Variants in SLC22A23 observed in about 807,000 individuals in gnomAD.
SLC22A23 encodes the protein ion transporter protein.
SLC22A23 carries 26 observed loss-of-function variants against 61.0 expected under a neutral mutation model. The observed-to-expected ratio is 0.43, with a 90% CI of 0.31 to 0.59. SLC22A23 has a LOEUF of 0.59. Ranked by LOEUF, SLC22A23 falls within the 20% of genes least tolerant of loss-of-function variation. The probability of loss-of-function intolerance (pLI) is 0.11; values close to 1 mark genes in which losing one functional copy is unlikely to be tolerated. For synonymous variants in SLC22A23, 430 were observed against 413.9 expected (o/e 1.04, Z -0.47); for missense variants, 796 against 934.7 (o/e 0.85, Z 1.94).
chr6:3,383,875 C>G (rs1767115289), intron 3 of SLC22A23, among the ~76,000 whole-genome samples: 1 of 152,192 alleles, frequency 6.6e-6, no homozygotes, highest in African/African-American at 2.4e-5. Flanking sequence ...CAATGAGAGC[C>G]TTTGAAGGAT....
intron 9 of SLC22A23, among the ~76,000 whole-genome samples, chr6:3,273,657 T>TTAA (rs1305677428): frequency 6.6e-6 from 1 of 152,236 alleles, no homozygotes; most frequent in African/African-American, 2.4e-5. Context: ...ATCTTTTTCT[T>TTAA]TAATGTTTCC....
intron 7 of SLC22A23, 90 bp from the exon 8 acceptor site, chr6:3,285,201 A>C (rs182689901): frequency 6.4e-7 from 1 of 1,558,126 alleles, no homozygotes; most frequent in East Asian, 2.4e-5. Context: ...GAGTTAGCCT[A>C]GCGTGTTCCC....
intron 3 of SLC22A23, among the ~76,000 whole-genome samples, chr6:3,338,558 C>T (rs941123665): frequency 6.6e-6 from 1 of 152,252 alleles, no homozygotes; most frequent in African/African-American, 2.4e-5. Context: ...CTCCTGCCCG[C>T]CTTGGCCTCC....
At position 3,425,338 on chromosome 6, in the gene SLC22A23, G is replaced by T. The variant is rs928629012; in HGVS notation, c.655-9483C>A. Among the ~76,000 whole-genome samples the T allele has an allele frequency of 3.5e-5, 5 of 142,802 alleles. No homozygotes were observed. The Admixed American group carries it at 3.7e-4, about 11-fold the overall frequency. The allele number at this position is 142,802 out of a possible 152,430, so 93.7% of individuals were successfully genotyped here. A position where few individuals can be genotyped will look rare whatever the true frequency, so the allele number is the denominator to read the frequency against. ...GTCTCACTGTTGCCCAGGCTGGAGT[G>T]CAGTGGTGCAATCTCAGCTCACTGC... On this transcript the variant is annotated intron_variant, in intron 1 of 9. Transcript: ENST00000406686.
Position 3,297,961 on chromosome 6 carries a change from G to A in SLC22A23, c.1210+130C>T. On this transcript the variant is annotated intron_variant, in intron 5 of 9. Transcript: ENST00000406686. The surrounding 1 kb of genome is among the most constrained non-coding windows in gnomAD (Gnocchi z 4.3). ...GTCAAGGTTGCCACATTGCCCTTGT[G>A]CAGGCCAAAAGGTCACAGGAGAATT... The A allele has an allele frequency of 8.7e-7, 1 of 1,144,228 alleles. No homozygotes were observed. The highest frequency in any genetic ancestry group is 1.2e-6 in the Non-Finnish European group (1 of 851,482). The allele number at this position is 1,144,228 out of a possible 1,614,324, so 70.9% of individuals were successfully genotyped here.
chr6:3,364,223 C>T lies in SLC22A23; in HGVS notation c.914-40221G>A, dbSNP rs554005969. On this transcript the variant is annotated intron_variant, in intron 3 of 9. Transcript: ENST00000406686. ...CTTATGGTGCCACCAAACACTTGTA[C>T]GGGGTTTCATGGCTTCTAAAACCTC... 5.9e-5 allele frequency among the ~76,000 whole-genome samples: 9 copies of T among 152,308 alleles called. No homozygotes were observed. In the East Asian group the frequency reaches 1.2e-3, roughly 20 times the overall value.
At position 3,270,712 on chromosome 6, in the gene SLC22A23, T is replaced by G. The variant is rs952464393; in HGVS notation, c.*2343A>C. The G allele has an allele frequency of 2.0e-5, 3 of 152,348 alleles. No individual in the cohort carries two copies. The highest frequency in any genetic ancestry group is 7.2e-5 in the African/African-American group (3 of 41,438). 9.4% of individuals were successfully genotyped at this position (152,348 alleles called of 1,614,324 possible). A position where few individuals can be genotyped will look rare whatever the true frequency, so the allele number is the denominator to read the frequency against. ...GCTGAAGTGCTGAGCAGTGTCTTCG[T>G]TGGACCAGTTTTTTATTGTCATTTG... On this transcript the variant is annotated 3_prime_UTR_variant, in exon 10 of 10. Coordinates refer to ENST00000406686, the MANE Select transcript of SLC22A23 (RefSeq NM_015482.2).
In SLC22A23 at chr6:3,410,188, G is replaced by A. The variant is rs1328522035; in HGVS notation, c.913C>T (p.Arg305Ter). The A allele has an allele frequency of 6.2e-6, 10 of 1,607,378 alleles. No homozygotes were observed. Among genetic ancestry groups the A allele is most frequent in the South Asian group, 1.1e-5 (1 of 89,546 alleles). Residue 305 changes from arginine (R) to a stop codon, truncating the protein, a stop_gained and splice_region_variant, in exon 3 of 10, where the codon CGA becomes TGA. Transcript: ENST00000406686. LOFTEE classifies it high-confidence loss of function. The surrounding 1 kb of genome is among the most constrained non-coding windows in gnomAD (Gnocchi z 5.0). ...AGIILTLYAL[R>*]IELCPPGKRF... is the part of the protein sequence containing the mutation. ...ACTAGTCGTGAAGGCTCCTACTTAC[G>A]TAAAGCATACAAGGTGAGAATGATT...
intron 3 of SLC22A23, among the ~76,000 whole-genome samples, chr6:3,396,880 G>A (rs950920996): frequency 2.6e-5 from 4 of 152,004 alleles, no homozygotes; most frequent in East Asian, 3.9e-4. Flanking sequence ...AGGTTGATCC[G>A]ATTCTTCTGG....
At chr6:3,283,553 G>A in intron 9 of SLC22A23, 1 of 381,346 alleles carries the variant, frequency 2.6e-6, no homozygotes, top group Non-Finnish European at 5.1e-6. Flanking sequence ...TAAGTGATCC[G>A]CTGCACTCCC....
chr6:3,269,337 AAAG>A lies in SLC22A23; in HGVS notation c.*3715_*3717del, dbSNP rs1758326065. ...GAAGACACAGCTTACAGAGGCGTTC[AAAG>A]TAGTGACGCAGTGAGGTCTGAATGA... On this transcript the variant is annotated 3_prime_UTR_variant, in exon 10 of 10. Coordinates refer to ENST00000406686, the MANE Select transcript of SLC22A23 (RefSeq NM_015482.2). 6.6e-6 allele frequency: 1 copy of A among 152,364 alleles called. No individual in the cohort carries two copies. Among genetic ancestry groups the A allele is most frequent in the Admixed American group, 6.5e-5 (1 of 15,288 alleles). 9.4% of individuals were successfully genotyped at this position (152,364 alleles called of 1,614,324 possible). A position where few individuals can be genotyped will look rare whatever the true frequency, so the allele number is the denominator to read the frequency against.
intron 3 of SLC22A23, among the ~76,000 whole-genome samples, chr6:3,363,735 A>G (rs1377418321): frequency 6.6e-6 from 1 of 152,230 alleles, no homozygotes; most frequent in Non-Finnish European, 1.5e-5. Flanking sequence ...TCTGGAGAGA[A>G]AAAGGGGTAT....
At chr6:3,336,799 C>CTTTTT (rs35612904) in intron 3 of SLC22A23, among the ~76,000 whole-genome samples, 1 of 131,636 alleles carries the variant, frequency 7.6e-6, no homozygotes, top group African/African-American at 2.9e-5. Context: ...CTGTAGTAGG[C>CTTTTT]TTTTTTTTTT....
chr6:3,389,878 G>A (rs926670409), intron 3 of SLC22A23, among the ~76,000 whole-genome samples: 7 of 152,248 alleles, frequency 4.6e-5, no homozygotes, highest in Admixed American at 1.3e-4. Flanking sequence ...AGTGGAGAAC[G>A]GCCTTGCTGG....
At chr6:3,394,720 C>A (rs1196155859) in intron 3 of SLC22A23, among the ~76,000 whole-genome samples, 2 of 152,146 alleles carry the variant, frequency 1.3e-5, no homozygotes, top group African/African-American at 4.8e-5. Context: ...AAGACCAGAC[C>A]CCTTAAGTCT....
At chr6:3,374,237 T>C (rs1766412085) in intron 3 of SLC22A23, among the ~76,000 whole-genome samples, 1 of 152,268 alleles carries the variant, frequency 6.6e-6, no homozygotes, top group Non-Finnish European at 1.5e-5. Context: ...AGAATGCCTA[T>C]GCTGGGCTCT....
chr6:3,341,193 T>C (rs76444927), intron 3 of SLC22A23, among the ~76,000 whole-genome samples: 4,518 of 152,274 alleles, frequency 0.03, 216 homozygotes, highest in African/African-American at 0.1. Flanking sequence ...TTGAGATTCA[T>C]TGGAAAGAGG....
At chr6:3,393,225 G>A (rs539554667) in intron 3 of SLC22A23, among the ~76,000 whole-genome samples, 4 of 152,276 alleles carry the variant, frequency 2.6e-5, no homozygotes, top group East Asian at 1.9e-4. Context: ...AGGCAAGGAC[G>A]GAAAGCAAGG....
chr6:3,321,328 A>G (rs1762935027), intron 4 of SLC22A23, among the ~76,000 whole-genome samples: 1 of 152,362 alleles, frequency 6.6e-6, no homozygotes, highest in Middle Eastern at 3.4e-3. Context: ...CTGGAGCTGT[A>G]AGCGGGAAGC....
Sources: allele counts gnomAD v4.1 joint callset (sites outside exome capture counted in the v4.1 genomes callset), GRCh38; gene constraint gnomAD v4.1.1; non-coding constraint Gnocchi (gnomAD v3.1); transcripts MANE v1.5; gene names NCBI Gene and HGNC (gene_info 2026-07-23, HGNC 2026-07-21).